MRPS6: variants seen among roughly 807,000 people sequenced by gnomAD.
The protein encoded by MRPS6 is mitochondrial ribosomal protein S6.
In MRPS6, 6 loss-of-function variants were observed where a neutral mutation model predicts 13.1. That is an observed-to-expected ratio of 0.46 (90% CI 0.25 to 0.91). The LOEUF (loss-of-function observed/expected upper bound fraction) is 0.91. Among genes scored for constraint, MRPS6 ranks in the 40% least tolerant of loss-of-function variants. The pLI, the probability that MRPS6 is intolerant of heterozygous loss-of-function variation, is 0.18. For missense variants in MRPS6, 164 were observed against 155.6 expected, an observed-to-expected ratio of 1.05 and a Z score of -0.29; for synonymous variants, 61 against 56.5, an observed-to-expected ratio of 1.08 and a Z score of -0.36.
intron 1 of MRPS6, chr21:34,122,239 T>C (rs1271853013): frequency 6.6e-6 from 1 of 152,228 alleles, no homozygotes; most frequent in Non-Finnish European, 1.5e-5. Context: ...GAGTTGGCTG[T>C]GTTCCAGTTC....
At chr21:34,107,375 C>T (rs1157985697) in intron 1 of MRPS6, among the ~76,000 whole-genome samples, 1 of 152,204 alleles carries the variant, frequency 6.6e-6, no homozygotes, top group Non-Finnish European at 1.5e-5. Flanking sequence ...CCTAAAGCCT[C>T]ACATTAGGAG....
intron 1 of MRPS6, among the ~76,000 whole-genome samples, chr21:34,081,186 T>G (rs745737210): frequency 6.6e-6 from 1 of 152,118 alleles, no homozygotes; most frequent in Admixed American, 6.6e-5. Flanking sequence ...TTTTAAACTT[T>G]CCACTTTAAT....
chr21:34,103,057 G>C, intron 1 of MRPS6: 1 of 999,984 alleles, frequency 1.0e-6, no homozygotes, highest in Non-Finnish European at 1.2e-6. Flanking sequence ...TCTGTAAGTG[G>C]AATGTTCATT....
intron 1 of MRPS6, among the ~76,000 whole-genome samples, chr21:34,107,378 A>G (rs111641021): frequency 0.012 from 1,755 of 152,352 alleles, 38 homozygotes; most frequent in South Asian, 0.081. Flanking sequence ...AAAGCCTCAC[A>G]TTAGGAGGCA....
chr21:34,096,077 T>C lies in MRPS6; in HGVS notation c.45+22332T>C. 6.2e-7 allele frequency: 1 copy of C among 1,614,130 alleles called. No homozygotes were observed. On this transcript the variant is annotated intron_variant, in intron 1 of 2. Coordinates refer to ENST00000399312, the MANE Select transcript of MRPS6 (RefSeq NM_032476.4). The surrounding 1 kb of genome is among the most constrained non-coding windows in gnomAD (Gnocchi z 5.9). ...GGGTCCTTGCAGCCAAAAACATTGC[T>C]CATGCCAAAGGCTCTACTCTTATGG...
intron 1 of MRPS6, chr21:34,103,209 C>T (rs1408127589): frequency 2.0e-6 from 2 of 999,644 alleles, no homozygotes; most frequent in African/African-American, 3.5e-5. Flanking sequence ...TGGATTAGTG[C>T]CTTCTGGTTA....
intron 2 of MRPS6, among the ~76,000 whole-genome samples, chr21:34,140,779 C>T (rs569724950): frequency 6.6e-6 from 1 of 151,928 alleles, no homozygotes; most frequent in South Asian, 2.1e-4. Flanking sequence ...TCTTGGTGGA[C>T]CCATTATTAT....
At chr21:34,107,718 T>C (rs1416609203) in intron 1 of MRPS6, among the ~76,000 whole-genome samples, 1 of 152,236 alleles carries the variant, frequency 6.6e-6, no homozygotes, top group Non-Finnish European at 1.5e-5. Context: ...CAGTGAGTTA[T>C]TATTCATTAC....
rs114673817 is a variant in MRPS6, at chr21:34,109,125, G to A, written c.46-16216G>A. ...CAATTTTAAGAGCTCTTTTGTTCCT[G>A]AAATCTTTTTTTATAGTCTCTTATT... On this transcript the variant is annotated intron_variant, in intron 1 of 2. Coordinates refer to ENST00000399312, the MANE Select transcript of MRPS6 (RefSeq NM_032476.4). Among the ~76,000 whole-genome samples, 686 of 152,160 alleles carry A rather than the reference G, an allele frequency of 4.5e-3. 5 individuals carry two copies. The highest frequency in any genetic ancestry group is 0.015 in the African/African-American group (638 of 41,528).
rs948855696 is a variant in MRPS6, at chr21:34,097,571, T to A, written c.45+23826T>A. 7 of 1,328,476 alleles carry A rather than the reference T, an allele frequency of 5.3e-6. No individual in the cohort carries two copies. In the African/African-American group the frequency reaches 1.1e-4, roughly 20 times the overall value. 82.3% of individuals were successfully genotyped at this position (1,328,476 alleles called of 1,614,324 possible). A position where few individuals can be genotyped will look rare whatever the true frequency, so the allele number is the denominator to read the frequency against. ...GTGAAGCCAAACCTAACAGACTGAATTGTGCAAATGTGGTTTTAAATTTTG... is the reference window on the plus strand; with the variant it reads ...GTGAAGCCAAACCTAACAGACTGAAATGTGCAAATGTGGTTTTAAATTTTG... On this transcript the variant is annotated intron_variant, in intron 1 of 2. Transcript: ENST00000399312.
intron 1 of MRPS6, chr21:34,098,173 A>G: frequency 1.1e-5 from 11 of 1,000,000 alleles, no homozygotes; most frequent in Non-Finnish European, 1.3e-5. Flanking sequence ...TATAGTTTGG[A>G]AATGACCAGC....
intron 2 of MRPS6, chr21:34,135,969 A>G (rs908896982): frequency 1.4e-5 from 5 of 366,334 alleles, no homozygotes; most frequent in African/African-American, 1.1e-4. Flanking sequence ...TGATCTGCAT[A>G]TCATCATTTG....
chr21:34,079,187 G>A (rs1367239991), intron 1 of MRPS6, among the ~76,000 whole-genome samples: 2 of 152,186 alleles, frequency 1.3e-5, no homozygotes, highest in African/African-American at 4.8e-5. Flanking sequence ...AGTTGAATAG[G>A]TGGGGAAAAA....
Position 34,096,349 on chromosome 21 carries a change from A to G in MRPS6, c.45+22604A>G, listed in dbSNP as rs1378573592. 2 of 1,614,048 alleles carry G rather than the reference A, an allele frequency of 1.2e-6. No individual in the cohort carries two copies. Among genetic ancestry groups the G allele is most frequent in the Non-Finnish European group, 1.7e-6 (2 of 1,180,022 alleles). On this transcript the variant is annotated intron_variant, in intron 1 of 2. Coordinates refer to ENST00000399312, the MANE Select transcript of MRPS6 (RefSeq NM_032476.4). The surrounding 1 kb of genome is among the most constrained non-coding windows in gnomAD (Gnocchi z 5.9). ...ATGAGTGACTTAGACTCTATCTTTA[A>G]CAGTGCCAGTACCATATTCACCCTC...
In MRPS6 at chr21:34,118,483, C is replaced by T. The variant is rs527930314; in HGVS notation, c.46-6858C>T. ...ATTTTGGTTCCTGTCTCTTCTTTCCCCTCCCATTTACCTACTGTTTTAAAG... is the reference window on the plus strand; with the variant it reads ...ATTTTGGTTCCTGTCTCTTCTTTCCTCTCCCATTTACCTACTGTTTTAAAG... On this transcript the variant is annotated intron_variant, in intron 1 of 2. Coordinates refer to ENST00000399312, the MANE Select transcript of MRPS6 (RefSeq NM_032476.4). 2.6e-5 allele frequency among the ~76,000 whole-genome samples: 4 copies of T among 151,892 alleles called. No individual in the cohort carries two copies. In the South Asian group the frequency reaches 8.3e-4, roughly 32 times the overall value.
chr21:34,126,704 G>A (rs1181401575), intron 2 of MRPS6, among the ~76,000 whole-genome samples: 7 of 152,302 alleles, frequency 4.6e-5, no homozygotes, highest in South Asian at 4.1e-4. Context: ...AAAACTGTCC[G>A]AGAGTCATTA....
At chr21:34,092,236 AGC>A (rs1346803348) in intron 1 of MRPS6, among the ~76,000 whole-genome samples, 5 of 152,218 alleles carry the variant, frequency 3.3e-5, no homozygotes, top group African/African-American at 1.2e-4. Context: ...TGTAAAATAT[AGC>A]TGCATTGCAT....
intron 2 of MRPS6, chr21:34,135,764 C>A: frequency 2.1e-6 from 1 of 478,146 alleles, no homozygotes. Flanking sequence ...AAATGGAAGG[C>A]ATACTTGATG....
At chr21:34,093,522 C>T (rs1978813187) in intron 1 of MRPS6, among the ~76,000 whole-genome samples, 2 of 152,048 alleles carry the variant, frequency 1.3e-5, no homozygotes, top group East Asian at 1.9e-4. Flanking sequence ...CTGTTTTGAA[C>T]GGTTTTGAGA....
Sources: gnomAD v4.1 joint callset for allele counts (sites outside exome capture counted in the v4.1 genomes callset) on GRCh38, gnomAD v4.1.1 for gene constraint, Gnocchi (gnomAD v3.1) non-coding constraint, MANE v1.5 for transcripts, NCBI Gene and HGNC (gene_info 2026-07-23, HGNC 2026-07-21) for gene names.